The following RP1 variants were observed in gnomAD, a reference collection of about 807,000 sequenced individuals.
RP1 encodes the protein RP1 axonemal microtubule associated.
Under a neutral mutation model 14.8 loss-of-function variants are expected in RP1, and 16 were observed. That is an observed-to-expected ratio of 1.08 (90% CI 0.73 to 1.65). The LOEUF (loss-of-function observed/expected upper bound fraction) is 1.65, where lower values mean the gene tolerates loss of function less well. RP1 is among the 40% of genes most tolerant of loss of function. The pLI is 0.00. For missense variants in RP1, 2,631 were observed against 2,535.0 expected (o/e 1.04, Z -0.81); for synonymous variants, 876 against 883.6 (o/e 0.99, Z 0.15).
chr8:54,755,093 T>C (rs936866501), intron 20 of RP1, among the ~76,000 whole-genome samples: 6 of 152,190 alleles, frequency 3.9e-5, no homozygotes, highest in Admixed American at 6.5e-5. Flanking sequence ...ACAGCATGAG[T>C]TGCTGGTGGA....
At chr8:54,563,822 T>C (rs565922702) in intron 1 of RP1, among the ~76,000 whole-genome samples, 1 of 152,292 alleles carries the variant, frequency 6.6e-6, no homozygotes, top group Admixed American at 6.5e-5. Context: ...GTGTTGGGAT[T>C]ATAGACATGA....
chr8:54,595,870 A>G (rs927641648), intron 1 of RP1, among the ~76,000 whole-genome samples: 3 of 152,220 alleles, frequency 2.0e-5, no homozygotes, highest in Admixed American at 6.5e-5. Context: ...ACTCTGGAAG[A>G]CTTGCTACAG....
At chr8:54,794,549 T>A (rs569566155) in intron 24 of RP1, among the ~76,000 whole-genome samples, 1 of 151,674 alleles carries the variant, frequency 6.6e-6, no homozygotes, top group African/African-American at 2.4e-5. Flanking sequence ...AGCAAAAGAA[T>A]GAAATTGGAC....
intron 1 of RP1, among the ~76,000 whole-genome samples, chr8:54,590,189 G>C (rs1215128073): frequency 6.6e-6 from 1 of 152,112 alleles, no homozygotes; most frequent in African/African-American, 2.4e-5. Context: ...GAATCATTCT[G>C]CTAAACACAA....
At chr8:54,865,211 T>G (rs1321228305) in intron 27 of RP1, among the ~76,000 whole-genome samples, 2 of 152,104 alleles carry the variant, frequency 1.3e-5, no homozygotes, top group Admixed American at 6.6e-5. Flanking sequence ...ACAATTTTTC[T>G]CATCACTCTT....
At chr8:54,808,294 C>G (rs183279314) in intron 24 of RP1, among the ~76,000 whole-genome samples, 1 of 152,324 alleles carries the variant, frequency 6.6e-6, no homozygotes, top group Non-Finnish European at 1.5e-5. Context: ...TACCTGACTT[C>G]CCCGCGGCTC....
At chr8:54,793,337 G>A (rs1461402629) in intron 24 of RP1, among the ~76,000 whole-genome samples, 3 of 151,870 alleles carry the variant, frequency 2.0e-5, no homozygotes, top group Non-Finnish European at 4.4e-5. Context: ...TATGAGGCCA[G>A]CATTACCCAG....
At chr8:54,756,346 C>A (rs1157621998) in intron 21 of RP1, among the ~76,000 whole-genome samples, 1 of 151,992 alleles carries the variant, frequency 6.6e-6, no homozygotes, top group Non-Finnish European at 1.5e-5. Flanking sequence ...TATTTGAGGG[C>A]CTGAAATTAA....
exon 18 of RP1, chr8:54,734,725 G>A: frequency 2.0e-6 from 3 of 1,532,326 alleles, no homozygotes; most frequent in South Asian, 2.4e-5. Context: ...TTCCTTCCAG[G>A]ACACGAGGAT....
At chr8:54,863,103 T>C (rs1337176408) in intron 27 of RP1, among the ~76,000 whole-genome samples, 1 of 145,464 alleles carries the variant, frequency 6.9e-6, no homozygotes, top group African/African-American at 2.5e-5. Flanking sequence ...TGCATAACCA[T>C]GTTTCAGTTA....
intron 24 of RP1, among the ~76,000 whole-genome samples, chr8:54,828,039 C>T (rs187840271): frequency 1.3e-5 from 2 of 152,316 alleles, no homozygotes; most frequent in East Asian, 1.9e-4. Flanking sequence ...TCTTGTCCCA[C>T]TGGAAGGTCT....
At chr8:54,570,108 C>T (rs1804489278) in intron 1 of RP1, among the ~76,000 whole-genome samples, 1 of 152,136 alleles carries the variant, frequency 6.6e-6, no homozygotes. Flanking sequence ...TGAACGTCCC[C>T]ACGCTTGTAC....
At chr8:54,699,400 T>C in intron 12 of RP1, 1 of 578,170 alleles carries the variant, frequency 1.7e-6, no homozygotes, top group Non-Finnish European at 2.7e-6. Flanking sequence ...GAGATTTCAG[T>C]ATATATTGAA....
At chr8:54,818,425 A>G (rs1811183496) in intron 24 of RP1, among the ~76,000 whole-genome samples, 1 of 152,220 alleles carries the variant, frequency 6.6e-6, no homozygotes, top group Non-Finnish European at 1.5e-5. Context: ...ATAAAAACCT[A>G]TCAGATTTAT....
At chr8:54,724,947 C>G (rs926227141) in intron 16 of RP1, among the ~76,000 whole-genome samples, 3 of 152,154 alleles carry the variant, frequency 2.0e-5, no homozygotes, top group Middle Eastern at 3.2e-3. Context: ...CCTTTTTGGG[C>G]TTGTTTCTAA....
At chr8:54,673,948 A>G in intron 8 of RP1, 2 of 1,507,644 alleles carry the variant, frequency 1.3e-6, no homozygotes, top group East Asian at 2.5e-5. Context: ...TTCCACAGAG[A>G]GTTCATGAAG....
At chr8:54,720,302 C>A (rs1368913760) in exon 16 of RP1, 1 of 1,534,334 alleles carries the variant, frequency 6.5e-7, no homozygotes, top group South Asian at 1.2e-5. Flanking sequence ...CACAAGTCAT[C>A]CAATGTATGT....
chr8:54,678,625 T>TA, intron 9 of RP1: 7 of 1,040,578 alleles, frequency 6.7e-6, no homozygotes, highest in Non-Finnish European at 9.7e-6. Flanking sequence ...ATTTAGTTGT[T>TA]CCTAGTCACT....
At chr8:54,724,800 G>C (rs545747756) in intron 16 of RP1, among the ~76,000 whole-genome samples, 1 of 152,268 alleles carries the variant, frequency 6.6e-6, no homozygotes, top group African/African-American at 2.4e-5. Context: ...CCATACTACT[G>C]TGTTGTATAA....
Sources: allele counts gnomAD v4.1 joint callset (sites outside exome capture counted in the v4.1 genomes callset), GRCh38; gene constraint gnomAD v4.1.1; transcripts MANE v1.5; gene names NCBI Gene and HGNC (gene_info 2026-07-23, HGNC 2026-07-21).